The following MATR3 variants were observed in gnomAD, a reference collection of about 807,000 sequenced individuals.
MATR3 encodes matrin 3.
In MATR3, 4 loss-of-function variants were observed where a neutral mutation model predicts 85.5. The ratio of observed to expected loss-of-function variants is 0.05; its 90% confidence interval spans 0.02 to 0.11. The LOEUF (loss-of-function observed/expected upper bound fraction) is 0.11, where lower values mean the gene tolerates loss of function less well. MATR3 is among the 10% of genes least tolerant of loss of function. The pLI, the probability that MATR3 is intolerant of heterozygous loss-of-function variation, is 1.00. For synonymous variants in MATR3, 336 were observed against 343.1 expected, an observed-to-expected ratio of 0.98 and a Z score of 0.23; for missense variants, 685 against 1,016.1, an observed-to-expected ratio of 0.67 and a Z score of 4.43.
rs1416908531 is a variant in MATR3, at chr5:139,281,345, TTTTTTTTTTTG to T, written c.-178+2227_-178+2237del. On this transcript the variant is annotated intron_variant, in intron 3 of 16. Transcript: ENST00000509990. ...GTCACTCTGCCTGGCCTCGAAGTAG[TTTTTTTTTTTG>T]TTTTTTTTTTTTTTTTTGCTCTGTT... Among the ~76,000 whole-genome samples the T allele has an allele frequency of 1.4e-3, 199 of 143,026 alleles. 2 individuals are homozygous for T. Among genetic ancestry groups the T allele is most frequent in the Middle Eastern group, 3.7e-3 (1 of 268 alleles). The allele number at this position is 143,026 out of a possible 152,430, so 93.8% of individuals were successfully genotyped here.
chr5:139,309,206 C>T (rs1234186540), intron 2 of MATR3, among the ~76,000 whole-genome samples: 1 of 152,120 alleles, frequency 6.6e-6, no homozygotes, highest in African/African-American at 2.4e-5. Flanking sequence ...TTCAGTGTTA[C>T]TCATTCTGAC....
At chr5:139,319,768 CA>C (rs1258932285) in intron 9 of MATR3, among the ~76,000 whole-genome samples, 2 of 146,540 alleles carry the variant, frequency 1.4e-5, no homozygotes, top group African/African-American at 5.1e-5. Context: ...GCTTAACTGG[CA>C]GGGGGCGGAG....
intron 1 of MATR3, among the ~76,000 whole-genome samples, chr5:139,298,014 G>A (rs1754247650): frequency 6.6e-6 from 1 of 152,120 alleles, no homozygotes; most frequent in East Asian, 1.9e-4. Context: ...GTCTTAGTGG[G>A]CCAGCAGTAA....
chr5:139,319,086 G>A (rs977285946), intron 8 of MATR3, 53 bp downstream of exon 8: 58 of 1,543,574 alleles, frequency 3.8e-5, no homozygotes, highest in Non-Finnish European at 4.9e-5. Flanking sequence ...GATTTTAATA[G>A]TTATTAACTG....
chr5:139,321,904 A>G lies in MATR3; in HGVS notation c.1609A>G (p.Ile537Val), dbSNP rs755290769. The part of the protein sequence containing the change: ...ILMRMKSQAF[I>V]EMETREDAMA... ...TCTTTTCTTTCTTTTTAAGGCTTTT[A>G]TTGAGATGGAGACAAGAGAAGATGC... is the stretch of plus-strand genomic sequence containing the variant. Residue 537 changes from isoleucine (I) to valine (V), a missense_variant, in exon 10 of 15, where the codon ATT (isoleucine) becomes GTT (valine). This residue lies in a region of MATR3 where 50 missense variants were observed against 133.4 expected (regional missense o/e 0.37). Coordinates refer to ENST00000394805, the MANE Select transcript of MATR3 (RefSeq NM_018834.6). 5 of 1,613,356 alleles carry G rather than the reference A, an allele frequency of 3.1e-6. No homozygotes were observed. The highest frequency in any genetic ancestry group is 2.7e-5 in the African/African-American group (2 of 74,882).
Position 139,330,246 on chromosome 5 carries a change from G to C in MATR3, c.*851G>C, listed in dbSNP as rs936610882. The C allele has an allele frequency of 4.4e-6, 2 of 453,870 alleles. No homozygotes were observed. The highest frequency in any genetic ancestry group is 8.8e-6 in the Non-Finnish European group (2 of 226,462). 28.1% of individuals were successfully genotyped at this position (453,870 alleles called of 1,614,324 possible). A position where few individuals can be genotyped will look rare whatever the true frequency, so the allele number is the denominator to read the frequency against. ...TTAAAACAGTTTGGCCATAATCCTA[G>C]ATGCACGCTTCTAATTCATGTACCT... On this transcript the variant is annotated 3_prime_UTR_variant, in exon 15 of 15. Coordinates refer to ENST00000394805, the MANE Select transcript of MATR3 (RefSeq NM_018834.6).
chr5:139,306,480 G>A (rs924167954), intron 1 of MATR3, among the ~76,000 whole-genome samples: 3 of 152,034 alleles, frequency 2.0e-5, no homozygotes, highest in African/African-American at 7.2e-5. Flanking sequence ...CTGTACCTAG[G>A]TTTTTTCTTG....
In MATR3 at chr5:139,322,872, G is replaced by C; in HGVS notation, c.2053G>C (p.Gly685Arg). ...AGACGAGACCGATCTTGCTAATTTA[G>C]GTGATGTGGCTTCTGATGGGAAAAA... is the stretch of plus-strand genomic sequence containing the variant. ...VGDETDLANLGDVASDGKKEP... is the reference protein window; with the variant it reads ...VGDETDLANLRDVASDGKKEP... Residue 685 changes from glycine to arginine, a missense_variant, in exon 12 of 15, where the codon GGT becomes CGT. This residue lies in a region of MATR3 where 215 missense variants were observed against 194.7 expected (regional missense o/e 1.10). Transcript: ENST00000394805. 1 of 1,614,112 alleles carries C rather than the reference G, an allele frequency of 6.2e-7. No individual in the cohort carries two copies. The highest frequency in any genetic ancestry group is 2.2e-5 in the East Asian group (1 of 44,884).
chr5:139,274,341 T>G, intron 1 of MATR3: 1 of 343,648 alleles, frequency 2.9e-6, no homozygotes, highest in East Asian at 7.6e-5. Flanking sequence ...TTTTCTACCA[T>G]CCCTCTTCCC....
Position 139,325,492 on chromosome 5 carries a change from G to A in MATR3, c.2201G>A (p.Gly734Glu). ...GAAAACGAAGCAGCGTTGGAAAATGGAATTAAAAATGAGGAAAACACAGAA... is the reference window on the plus strand; with the variant it reads ...GAAAACGAAGCAGCGTTGGAAAATGAAATTAAAAATGAGGAAAACACAGAA... Reference protein sequence around the residue: ...DQENEAALENGIKNEENTEPG... With the variant: ...DQENEAALENEIKNEENTEPG... Residue 734 changes from glycine to glutamate, a missense_variant, in exon 13 of 15, where the codon GGA becomes GAA. This residue lies in a region of MATR3 where 215 missense variants were observed against 194.7 expected (regional missense o/e 1.10). Coordinates refer to ENST00000394805, the MANE Select transcript of MATR3 (RefSeq NM_018834.6). 1.2e-6 allele frequency: 2 copies of A among 1,614,176 alleles called. No homozygotes were observed. Among genetic ancestry groups the A allele is most frequent in the Non-Finnish European group, 1.7e-6 (2 of 1,180,034 alleles).
At chr5:139,298,281 C>T (rs1452016704) in intron 1 of MATR3, among the ~76,000 whole-genome samples, 1 of 152,110 alleles carries the variant, frequency 6.6e-6, no homozygotes, top group Non-Finnish European at 1.5e-5. Flanking sequence ...CAAAGAAATA[C>T]AAACATTTGG....
In MATR3 at chr5:139,307,211, A is replaced by G. The variant is rs1056099754; in HGVS notation, c.-177-28A>G. 1.6e-5 allele frequency: 20 copies of G among 1,275,960 alleles called. No homozygotes were observed. Among genetic ancestry groups the G allele is most frequent in the Non-Finnish European group, 1.9e-5 (19 of 1,013,620 alleles). 79.0% of individuals were successfully genotyped at this position (1,275,960 alleles called of 1,614,324 possible). On this transcript the variant is annotated intron_variant, in intron 1 of 14. Transcript: ENST00000394805. This position sits in a 1 kb window ranked among gnomAD's most constrained non-coding sequence, Gnocchi z 4.4. ...AAACGGCATCTGCTTAAAGGGATTTATGACTAAAATTGCTTATTTTTCTAC... is the reference window on the plus strand; with the variant it reads ...AAACGGCATCTGCTTAAAGGGATTTGTGACTAAAATTGCTTATTTTTCTAC...
At chr5:139,282,432 G>A (rs1413270985) in intron 3 of MATR3, among the ~76,000 whole-genome samples, 1 of 152,152 alleles carries the variant, frequency 6.6e-6, no homozygotes, top group Non-Finnish European at 1.5e-5. Flanking sequence ...CTCCAGTAAA[G>A]GCCCTTTAGG....
chr5:139,329,025 G>C (rs905594101), intron 14 of MATR3, among the ~76,000 whole-genome samples: 22 of 151,840 alleles, frequency 1.4e-4, no homozygotes, highest in African/African-American at 5.3e-4. Context: ...GAATAAAAGT[G>C]CATGTCATTT....
At chr5:139,320,712 C>T (rs1224703221) in intron 9 of MATR3, among the ~76,000 whole-genome samples, 5 of 140,830 alleles carry the variant, frequency 3.6e-5, no homozygotes, top group South Asian at 2.4e-4. Flanking sequence ...TTTTATTTTT[C>T]TTACACTATT....
rs901793744 is a variant in MATR3, at chr5:139,307,181, T to TA, written c.-177-51dup. 1.2e-5 allele frequency: 14 copies of TA among 1,187,250 alleles called. No individual in the cohort carries two copies. In the East Asian group the frequency reaches 1.5e-4, roughly 13 times the overall value. The allele number at this position is 1,187,250 out of a possible 1,614,324, so 73.5% of individuals were successfully genotyped here. ...ACATGATGCATAAGTTTTTTTTTCT[T>TA]AAAAAAACGGCATCTGCTTAAAGGG... On this transcript the variant is annotated intron_variant, in intron 1 of 14. Coordinates refer to ENST00000394805, the MANE Select transcript of MATR3 (RefSeq NM_018834.6). The surrounding 1 kb of genome is among the most constrained non-coding windows in gnomAD (Gnocchi z 4.4).
chr5:139,278,297 A>G (rs1421524143), intron 2 of MATR3: 4 of 453,834 alleles, frequency 8.8e-6, no homozygotes, highest in African/African-American at 4.0e-5. Flanking sequence ...TGTGTACTAG[A>G]TCACTAAGTT....
rs183766725 is a variant in MATR3, at chr5:139,315,930, T to C, written c.1017-146T>C. 413 of 773,970 alleles carry C rather than the reference T, an allele frequency of 5.3e-4. No individual in the cohort carries two copies. In the African/African-American group the frequency reaches 6.7e-3, roughly 13 times the overall value. The allele number at this position is 773,970 out of a possible 1,614,324, so 47.9% of individuals were successfully genotyped here. A position where few individuals can be genotyped will look rare whatever the true frequency, so the allele number is the denominator to read the frequency against. On this transcript the variant is annotated intron_variant, in intron 4 of 14. Transcript: ENST00000394805. ...GTAATTTGTATTCTTTTATTGTTAA[T>C]GTAGACTTTGACCTAGTTACTTCAC...
chr5:139,276,527 A>G (rs1176453540), intron 2 of MATR3, among the ~76,000 whole-genome samples: 1 of 152,242 alleles, frequency 6.6e-6, no homozygotes, highest in Non-Finnish European at 1.5e-5. Context: ...AAAAGCTTGC[A>G]TTAAGGTTTA....
Sources: gnomAD v4.1 joint callset for allele counts (sites outside exome capture counted in the v4.1 genomes callset) on GRCh38, gnomAD v4.1.1 for gene constraint, gnomAD v4.1.1 regional missense constraint, Gnocchi (gnomAD v3.1) non-coding constraint, MANE v1.5 for transcripts, NCBI Gene and HGNC (gene_info 2026-07-23, HGNC 2026-07-21) for gene names.